PDGFD: variants seen among roughly 807,000 people sequenced by gnomAD.
PDGFD encodes the protein platelet derived growth factor D, also known as platelet-derived growth factor D.
Under a neutral mutation model 44.7 loss-of-function variants are expected in PDGFD, and 30 were observed. The ratio of observed to expected loss-of-function variants is 0.67; its 90% CI spans 0.50 to 0.91. PDGFD has a LOEUF of 0.91. Ranked by LOEUF, PDGFD falls within the 40% of genes least tolerant of loss-of-function variation. The pLI is 0.00. For missense variants in PDGFD, 445 were observed against 457.8 expected (o/e 0.97, Z 0.25); for synonymous variants, 173 against 168.4 (o/e 1.03, Z -0.21).
chr11:103,925,431 T>C (rs924700087), intron 6 of PDGFD, among the ~76,000 whole-genome samples: 2 of 152,066 alleles, frequency 1.3e-5, no homozygotes, highest in Non-Finnish European at 2.9e-5. Context: ...CTGCATGATG[T>C]TTAACATCTT....
Position 103,907,868 on chromosome 11 carries a change from T to C in PDGFD, c.*1826A>G, listed in dbSNP as rs1444092550. On this transcript the variant is annotated 3_prime_UTR_variant, in exon 7 of 7. Transcript: ENST00000393158. ...TCTGGGATTTTAGAGAATTGAACAA[T>C]AGAGTATTTAATTTTACCACTCCCC... The C allele has an allele frequency of 1.3e-5, 2 of 152,216 alleles. No homozygotes were observed. The highest frequency in any genetic ancestry group is 2.9e-5 in the Non-Finnish European group (2 of 68,036). 9.4% of individuals were successfully genotyped at this position (152,216 alleles called of 1,614,324 possible).
intron 1 of PDGFD, among the ~76,000 whole-genome samples, chr11:104,041,807 A>T (rs1197230990): frequency 1.3e-5 from 2 of 152,202 alleles, no homozygotes; most frequent in Non-Finnish European, 2.9e-5. Flanking sequence ...TCTAGGGGGA[A>T]ATCTGTTCTG....
In PDGFD at chr11:104,037,192, C is replaced by T. The variant is rs865913257; in HGVS notation, c.125-36937G>A. 2.0e-5 allele frequency: 33 copies of T among 1,613,590 alleles called. No homozygotes were observed. The Middle Eastern group carries it at 4.9e-4, about 24-fold the overall frequency. On this transcript the variant is annotated intron_variant, in intron 1 of 6. Transcript: ENST00000393158. ...GCAGCAGCGCACACCCGCTGCCCAG[C>T]GGTCACAGGGCTTGGCGTCAGGAGA...
rs1857959775 is a variant in PDGFD at position 103,907,811 on chromosome 11, T to C, written c.*1883A>G. 1 of 151,914 alleles carries C rather than the reference T, an allele frequency of 6.6e-6. No individual in the cohort carries two copies. The highest frequency in any genetic ancestry group is 2.1e-4 in the South Asian group (1 of 4,814). The allele number at this position is 151,914 out of a possible 1,614,324, so 9.4% of individuals were successfully genotyped here. A position where few individuals can be genotyped will look rare whatever the true frequency, so the allele number is the denominator to read the frequency against. ...TGAAGAGGAAGAGCGTTCTTAATTATTAGTGTCTGCCTGAGCTATTTCTGA... is the reference window on the plus strand; with the variant it reads ...TGAAGAGGAAGAGCGTTCTTAATTACTAGTGTCTGCCTGAGCTATTTCTGA... On this transcript the variant is annotated 3_prime_UTR_variant, in exon 7 of 7. Transcript: ENST00000393158.
intron 1 of PDGFD, among the ~76,000 whole-genome samples, chr11:104,067,623 T>C (rs1285428737): frequency 6.6e-6 from 1 of 152,180 alleles, no homozygotes; most frequent in African/African-American, 2.4e-5. Flanking sequence ...GTCAGCCAAG[T>C]GCATCATTTC....
chr11:103,917,182 A>G (rs975749401), intron 6 of PDGFD, among the ~76,000 whole-genome samples: 2 of 152,190 alleles, frequency 1.3e-5, no homozygotes, highest in Admixed American at 1.3e-4. Flanking sequence ...TTAACATATA[A>G]TATCCTTTAC....
At chr11:103,984,103 T>C (rs1307709333) in intron 3 of PDGFD, among the ~76,000 whole-genome samples, 4 of 151,704 alleles carry the variant, frequency 2.6e-5, no homozygotes, top group Non-Finnish European at 4.4e-5. Flanking sequence ...TAAAGACATA[T>C]GCATGCATAT....
chr11:104,151,954 A>T (rs2119907900), intron 1 of PDGFD, among the ~76,000 whole-genome samples: 1 of 152,218 alleles, frequency 6.6e-6, no homozygotes, highest in Non-Finnish European at 1.5e-5. Context: ...CCCAGGTCAC[A>T]TAACGGTGGC....
chr11:104,026,349 T>A (rs1332259632), intron 1 of PDGFD, among the ~76,000 whole-genome samples: 1 of 152,220 alleles, frequency 6.6e-6, no homozygotes, highest in Admixed American at 6.5e-5. Context: ...GATCTATTGG[T>A]GAGTAGAAGA....
intron 6 of PDGFD, among the ~76,000 whole-genome samples, chr11:103,912,622 C>T (rs1285227127): frequency 6.6e-6 from 1 of 152,134 alleles, no homozygotes; most frequent in Non-Finnish European, 1.5e-5. Flanking sequence ...CAAATTCACA[C>T]ATAATAATAT....
intron 1 of PDGFD, among the ~76,000 whole-genome samples, chr11:104,135,569 A>C (rs1293553178): frequency 6.6e-6 from 1 of 152,214 alleles, no homozygotes; most frequent in Admixed American, 6.5e-5. Context: ...TCAGATCATC[A>C]GCATTACTCA....
chr11:103,952,742 T>A (rs1384354933), intron 3 of PDGFD, among the ~76,000 whole-genome samples: 1 of 152,200 alleles, frequency 6.6e-6, no homozygotes, highest in African/African-American at 2.4e-5. Flanking sequence ...TCAATCTGCA[T>A]TGCCTTAATT....
intron 1 of PDGFD, among the ~76,000 whole-genome samples, chr11:104,011,105 A>T (rs1313900728): frequency 1.3e-5 from 2 of 152,124 alleles, no homozygotes; most frequent in East Asian, 3.8e-4. Flanking sequence ...ATTTTCTCAG[A>T]GTAACTTTAA....
At position 103,997,576 on chromosome 11, in the gene PDGFD, T is replaced by C. The variant is rs965822277; in HGVS notation, c.330-1331A>G. Among the ~76,000 whole-genome samples the C allele has an allele frequency of 3.3e-5, 5 of 152,348 alleles. No individual in the cohort carries two copies. The East Asian group carries it at 9.6e-4, about 29-fold the overall frequency. ...GGTGCTGTGTAAATTAATCACTTAA[T>C]GTTTATATGGTGCTTGGAAGGTAAA... On this transcript the variant is annotated intron_variant, in intron 2 of 6. Coordinates refer to ENST00000393158, the MANE Select transcript of PDGFD (RefSeq NM_025208.5).
intron 1 of PDGFD, among the ~76,000 whole-genome samples, chr11:104,018,437 C>T (rs1287772496): frequency 6.6e-6 from 1 of 152,136 alleles, no homozygotes; most frequent in African/African-American, 2.4e-5. Flanking sequence ...GTCTCCCTGG[C>T]CCTATCATGT....
At chr11:104,107,296 T>C (rs1448444412) in intron 1 of PDGFD, among the ~76,000 whole-genome samples, 1 of 152,054 alleles carries the variant, frequency 6.6e-6, no homozygotes, top group Non-Finnish European at 1.5e-5. Flanking sequence ...AGAAGCAAAC[T>C]GCCATGTTAG....
At chr11:103,968,233 C>T (rs1422893593) in intron 3 of PDGFD, among the ~76,000 whole-genome samples, 2 of 152,146 alleles carry the variant, frequency 1.3e-5, no homozygotes, top group Non-Finnish European at 2.9e-5. Flanking sequence ...CTCTGTTACT[C>T]AATACTTGGC....
rs193096164 is a variant in PDGFD, at chr11:103,975,469, T to C, written c.510+20596A>G. On this transcript the variant is annotated intron_variant, in intron 3 of 6. Transcript: ENST00000393158. ...CTGTTCACTCTGATGATAGTTTCTT[T>C]TGCTGTGCAGAAGCTCTTTAGTTTA... 2.9e-3 allele frequency among the ~76,000 whole-genome samples: 447 copies of C among 152,316 alleles called. 2 individuals carry two copies. The highest frequency in any genetic ancestry group is 9.9e-3 in the African/African-American group (411 of 41,552).
intron 1 of PDGFD, among the ~76,000 whole-genome samples, chr11:104,058,912 T>C (rs1293111817): frequency 6.6e-6 from 1 of 152,152 alleles, no homozygotes; most frequent in Admixed American, 6.5e-5. Flanking sequence ...TTCCATTATA[T>C]GATACTCACA....
Sources: gnomAD v4.1 joint callset for allele counts (sites outside exome capture counted in the v4.1 genomes callset) on GRCh38, gnomAD v4.1.1 for gene constraint, MANE v1.5 for transcripts, NCBI Gene and HGNC (gene_info 2026-07-23, HGNC 2026-07-21) for gene names.